Variants in CHCHD3 observed in about 807,000 individuals in gnomAD.
CHCHD3 encodes the protein coiled-coil-helix-coiled-coil-helix domain containing 3, also known as MICOS complex subunit MIC19.
CHCHD3 carries 20 observed loss-of-function variants against 38.2 expected under a neutral mutation model. The ratio of observed to expected loss-of-function variants is 0.52; its 90% CI spans 0.37 to 0.76. The LOEUF (loss-of-function observed/expected upper bound fraction) is 0.76. CHCHD3 is among the 30% of genes least tolerant of loss of function. The pLI, the probability that CHCHD3 is intolerant of heterozygous loss-of-function variation, is 0.00. For missense variants in CHCHD3, 245 were observed against 279.2 expected (o/e 0.88, Z 0.87); for synonymous variants, 82 against 100.0 (o/e 0.82, Z 1.07).
chr7:132,839,192 CAA>C (rs111530820), intron 5 of CHCHD3, among the ~76,000 whole-genome samples: 5 of 115,774 alleles, frequency 4.3e-5, no homozygotes, highest in Admixed American at 8.8e-5. Flanking sequence ...AATTCCATCT[CAA>C]AAAAAAAAAA....
At chr7:133,047,567 G>A (rs1196327008) in intron 2 of CHCHD3, among the ~76,000 whole-genome samples, 3 of 152,076 alleles carry the variant, frequency 2.0e-5, no homozygotes, top group Non-Finnish European at 2.9e-5. Context: ...TATGTTTTAC[G>A]TGTTTCAACA....
chr7:132,962,549 A>C (rs753213295), intron 4 of CHCHD3, among the ~76,000 whole-genome samples: 66 of 152,230 alleles, frequency 4.3e-4, no homozygotes, highest in Non-Finnish European at 8.1e-4. Context: ...TTGTTCAAAA[A>C]TTGTCAAAAA....
chr7:133,043,684 T>C (rs1813895995), intron 2 of CHCHD3, among the ~76,000 whole-genome samples: 1 of 151,936 alleles, frequency 6.6e-6, no homozygotes, highest in Non-Finnish European at 1.5e-5. Context: ...CCTTTCATGC[T>C]CTACTGTTCA....
intron 5 of CHCHD3, among the ~76,000 whole-genome samples, chr7:132,843,646 G>A (rs1562882764): frequency 6.6e-6 from 1 of 152,190 alleles, no homozygotes; most frequent in South Asian, 2.1e-4. Context: ...AATGGGTACT[G>A]AGAGGTAGGA....
At chr7:132,787,066 G>A (rs1806338912) in intron 7 of CHCHD3, among the ~76,000 whole-genome samples, 1 of 152,112 alleles carries the variant, frequency 6.6e-6, no homozygotes, top group Non-Finnish European at 1.5e-5. Context: ...GGACTGGGAG[G>A]AGTGAGGGGA....
intron 3 of CHCHD3, among the ~76,000 whole-genome samples, chr7:132,993,571 G>C (rs1812337911): frequency 6.6e-6 from 1 of 152,184 alleles, no homozygotes; most frequent in African/African-American, 2.4e-5. Flanking sequence ...CTACGCACCA[G>C]AGCTCAGGTC....
intron 4 of CHCHD3, chr7:132,887,023 T>G (rs1323940200): frequency 1.7e-6 from 2 of 1,178,758 alleles, no homozygotes; most frequent in African/African-American, 3.2e-5. Context: ...AACAGTTATT[T>G]AACAACATAA....
chr7:132,791,306 T>C (rs1806454175), intron 7 of CHCHD3, among the ~76,000 whole-genome samples: 1 of 152,142 alleles, frequency 6.6e-6, no homozygotes, highest in Non-Finnish European at 1.5e-5. Flanking sequence ...ACAGGAAAAA[T>C]ACCCTGGTTT....
chr7:132,842,971 TC>T (rs1318753746), intron 5 of CHCHD3, among the ~76,000 whole-genome samples: 11 of 152,238 alleles, frequency 7.2e-5, no homozygotes, highest in Admixed American at 7.2e-4. Flanking sequence ...CCTTTTGGTA[TC>T]CACTGGCGAG....
chr7:133,048,129 T>C (rs912102578), intron 2 of CHCHD3, among the ~76,000 whole-genome samples: 6 of 150,370 alleles, frequency 4.0e-5, no homozygotes, highest in Non-Finnish European at 8.9e-5. Flanking sequence ...TTAGGTCTGA[T>C]CCTAGGTTAA....
At chr7:132,845,659 CTA>C (rs1249633793) in intron 5 of CHCHD3, among the ~76,000 whole-genome samples, 1 of 152,186 alleles carries the variant, frequency 6.6e-6, no homozygotes, top group Non-Finnish European at 1.5e-5. Flanking sequence ...GCTTTTTACT[CTA>C]TATGTGAATC....
intron 4 of CHCHD3, among the ~76,000 whole-genome samples, chr7:132,950,093 A>G (rs1168382455): frequency 1.3e-5 from 2 of 152,222 alleles, no homozygotes; most frequent in African/African-American, 4.8e-5. Flanking sequence ...CTTAGTAAAT[A>G]TAACTATTAT....
chr7:132,871,238 T>C (rs1216310723), intron 5 of CHCHD3, among the ~76,000 whole-genome samples: 1 of 152,230 alleles, frequency 6.6e-6, no homozygotes. Flanking sequence ...TTTGTCTTTC[T>C]GGCATTAATC....
chr7:132,850,406 AG>A (rs1047988596), intron 5 of CHCHD3, among the ~76,000 whole-genome samples: 6 of 148,040 alleles, frequency 4.1e-5, no homozygotes, highest in Non-Finnish European at 8.9e-5. Flanking sequence ...TTATTCCAGG[AG>A]CTTTAGAAAC....
At chr7:132,821,055 C>A (rs2117067903) in intron 6 of CHCHD3, among the ~76,000 whole-genome samples, 1 of 152,152 alleles carries the variant, frequency 6.6e-6, no homozygotes, top group East Asian at 1.9e-4. Context: ...AAGCATTTAC[C>A]TTTAAACACA....
chr7:132,900,094 T>C (rs1017993758), intron 4 of CHCHD3, among the ~76,000 whole-genome samples: 4 of 152,192 alleles, frequency 2.6e-5, no homozygotes, highest in African/African-American at 9.7e-5. Context: ...TTGCAACTAC[T>C]AGAACAGAGC....
intron 4 of CHCHD3, among the ~76,000 whole-genome samples, chr7:132,926,475 G>A (rs1189801386): frequency 6.6e-6 from 1 of 152,154 alleles, no homozygotes; most frequent in South Asian, 2.1e-4. Context: ...ATGGCCTGTT[G>A]GGTGTGGACG....
At chr7:132,989,069 G>A (rs921561676) in intron 3 of CHCHD3, among the ~76,000 whole-genome samples, 10 of 152,172 alleles carry the variant, frequency 6.6e-5, no homozygotes, top group African/African-American at 2.4e-4. Flanking sequence ...AAGTACACCA[G>A]TTATATGCAA....
chr7:132,864,455 T>C (rs187413374), intron 5 of CHCHD3, among the ~76,000 whole-genome samples: 10 of 152,250 alleles, frequency 6.6e-5, no homozygotes, highest in Admixed American at 6.5e-4. Flanking sequence ...ATAGCATATA[T>C]AACAACAAAG....
Sources: gnomAD v4.1 joint callset for allele counts (sites outside exome capture counted in the v4.1 genomes callset) on GRCh38, gnomAD v4.1.1 for gene constraint, MANE v1.5 for transcripts, NCBI Gene and HGNC (gene_info 2026-07-23, HGNC 2026-07-21) for gene names.